Variants in SLC39A12 observed in about 807,000 individuals in gnomAD.
SLC39A12 encodes solute carrier family 39 member 12.
SLC39A12 carries 63 observed loss-of-function variants against 71.1 expected under a neutral mutation model. That is an observed-to-expected ratio of 0.89 (90% CI 0.72 to 1.09). The LOEUF (loss-of-function observed/expected upper bound fraction) is 1.09, where lower values mean the gene tolerates loss of function less well. SLC39A12 is among the 50% of genes least tolerant of loss of function. The pLI is 0.00. For missense variants in SLC39A12, 892 were observed against 812.6 expected (o/e 1.10, Z -1.19); for synonymous variants, 351 against 301.3 (o/e 1.16, Z -1.71).
At chr10:18,032,827 A>G (rs1836887592) in intron 12 of SLC39A12, among the ~76,000 whole-genome samples, 1 of 148,702 alleles carries the variant, frequency 6.7e-6, no homozygotes. Flanking sequence ...ACGTCCCATC[A>G]ATACCTAATT....
At chr10:18,035,123 GTCTTGGAGTTGCTCT>G (rs1369581885) in intron 12 of SLC39A12, among the ~76,000 whole-genome samples, 108 of 146,400 alleles carry the variant, frequency 7.4e-4, no homozygotes, top group African/African-American at 2.7e-3. Flanking sequence ...ACAATTATGT[GTCTTGGAGTTGCTCT>G]TCTCGAGGAG....
intron 10 of SLC39A12, among the ~76,000 whole-genome samples, chr10:17,997,213 C>A (rs1835711793): frequency 6.6e-6 from 1 of 152,088 alleles, no homozygotes; most frequent in Non-Finnish European, 1.5e-5. Context: ...TAAGCATGAT[C>A]TTTATCAGTG....
chr10:17,988,589 A>G (rs925816260), intron 7 of SLC39A12, among the ~76,000 whole-genome samples: 15 of 152,122 alleles, frequency 9.9e-5, no homozygotes, highest in Non-Finnish European at 4.4e-5. Flanking sequence ...AAATGGCCTA[A>G]TTCACTTGTC....
chr10:18,026,900 A>T (rs1836693381), intron 12 of SLC39A12, among the ~76,000 whole-genome samples: 1 of 152,256 alleles, frequency 6.6e-6, no homozygotes, highest in Non-Finnish European at 1.5e-5. Context: ...TTTTCTGCTT[A>T]CATTTTCCTT....
At chr10:18,000,528 C>G in intron 10 of SLC39A12, 139 bp from the exon 11 acceptor site, 1 of 792,148 alleles carries the variant, frequency 1.3e-6, no homozygotes, top group Admixed American at 2.5e-5. Context: ...CTGACTTTTG[C>G]GGAAACAAAG....
At chr10:17,980,962 C>A (rs1309380401) in intron 5 of SLC39A12, among the ~76,000 whole-genome samples, 3 of 152,106 alleles carry the variant, frequency 2.0e-5, no homozygotes, top group Non-Finnish European at 4.4e-5. Flanking sequence ...ACAAAGCTAT[C>A]CTCATTGAAA....
intron 4 of SLC39A12, among the ~76,000 whole-genome samples, chr10:17,971,955 T>C (rs943116382): frequency 6.6e-6 from 1 of 152,208 alleles, no homozygotes; most frequent in African/African-American, 2.4e-5. Context: ...TCTTTTTCGA[T>C]GTAGGCACTT....
chr10:17,955,533 T>C (rs766444831), intron 2 of SLC39A12, among the ~76,000 whole-genome samples: 48 of 152,136 alleles, frequency 3.2e-4, no homozygotes, highest in Non-Finnish European at 4.7e-4. Context: ...TGTGGCCGAG[T>C]CTGTTCTGTC....
At chr10:18,033,565 C>T (rs142982944) in intron 12 of SLC39A12, among the ~76,000 whole-genome samples, 75,922 of 130,088 alleles carry the variant, frequency 0.58, 21,715 homozygotes, top group Non-Finnish European at 0.63. Flanking sequence ...GTCTTGCTAG[C>T]GGTCTATCAA....
At chr10:17,980,818 CA>C (rs34371411) in intron 5 of SLC39A12, among the ~76,000 whole-genome samples, 28,810 of 152,024 alleles carry the variant, frequency 0.19, 2,875 homozygotes, top group Non-Finnish European at 0.2. Context: ...GCTTTACTTT[CA>C]AAAATTTTAC....
intron 12 of SLC39A12, among the ~76,000 whole-genome samples, chr10:18,036,251 C>T (rs942480521): frequency 2.0e-5 from 3 of 152,230 alleles, no homozygotes; most frequent in Non-Finnish European, 4.4e-5. Context: ...CCCAGCCTCA[C>T]TGCCGCCTTG....
chr10:18,000,219 C>G (rs898741620), intron 10 of SLC39A12, among the ~76,000 whole-genome samples: 1 of 152,182 alleles, frequency 6.6e-6, no homozygotes, highest in African/African-American at 2.4e-5. Flanking sequence ...AAAGGCCCTA[C>G]CTCCTCATAC....
chr10:18,006,924 T>A (rs1406521881), intron 12 of SLC39A12, among the ~76,000 whole-genome samples: 1 of 152,200 alleles, frequency 6.6e-6, no homozygotes, highest in African/African-American at 2.4e-5. Flanking sequence ...AATGGGTCTC[T>A]GCAGCAGTGA....
intron 4 of SLC39A12, among the ~76,000 whole-genome samples, chr10:17,970,967 A>G (rs1397105165): frequency 6.6e-6 from 1 of 151,976 alleles, no homozygotes; most frequent in African/African-American, 2.4e-5. Flanking sequence ...TTATGTTGAG[A>G]TATGTTCCTT....
At chr10:17,971,676 G>A (rs934464394) in intron 4 of SLC39A12, among the ~76,000 whole-genome samples, 7 of 151,938 alleles carry the variant, frequency 4.6e-5, no homozygotes, top group African/African-American at 1.4e-4. Context: ...AGTATCAGTT[G>A]TAATGTCTCT....
intron 2 of SLC39A12, among the ~76,000 whole-genome samples, chr10:17,955,700 C>A (rs11011688): frequency 6.6e-6 from 1 of 152,050 alleles, no homozygotes. Flanking sequence ...TCCAATTTTA[C>A]GTCTGTATAA....
chr10:18,003,473 A>G (rs778913799), intron 12 of SLC39A12, 115 bp downstream of exon 12: 22 of 944,298 alleles, frequency 2.3e-5, no homozygotes, highest in Non-Finnish European at 3.1e-5. Flanking sequence ...TTATAAAACA[A>G]TATAAACCAT....
At chr10:17,980,208 C>T (rs1300536893) in intron 5 of SLC39A12, among the ~76,000 whole-genome samples, 1 of 152,126 alleles carries the variant, frequency 6.6e-6, no homozygotes, top group Admixed American at 6.5e-5. Context: ...CTGTTCCATG[C>T]ACCCAAATAT....
At chr10:17,987,724 T>C in intron 7 of SLC39A12, 73 bp downstream of exon 7, 1 of 1,508,502 alleles carries the variant, frequency 6.6e-7, no homozygotes, top group Non-Finnish European at 9.0e-7. Context: ...GAGGTATTTA[T>C]GCAAAATTTT....
Sources: gnomAD v4.1 joint callset for allele counts (sites outside exome capture counted in the v4.1 genomes callset) on GRCh38, gnomAD v4.1.1 for gene constraint, MANE v1.5 for transcripts, NCBI Gene and HGNC (gene_info 2026-07-23, HGNC 2026-07-21) for gene names.